Variants in TAF2 observed in about 807,000 individuals in gnomAD.
TAF2 encodes the protein transcription initiation factor TFIID subunit 2.
Under a neutral mutation model 138.5 loss-of-function variants are expected in TAF2, and 61 were observed. The ratio of observed to expected loss-of-function variants is 0.44; its 90% confidence interval spans 0.36 to 0.54. The LOEUF is 0.54. TAF2 is among the 20% of genes least tolerant of loss of function. The pLI, the probability that TAF2 is intolerant of heterozygous loss-of-function variation, is 0.00. For synonymous variants in TAF2, 475 were observed against 469.9 expected (o/e 1.01, Z -0.14); for missense variants, 1,090 against 1,427.9 (o/e 0.76, Z 3.81).
Position 119,797,673 on chromosome 8 carries a change from C to T in TAF2, c.966G>A (p.Met322Ile). ...GAAGAGATACCAACCTAAAAATGCT[C>T]ATGGAAGCATAAGCAGCCACTTCAA... ...AYVEVAAYASMSIFSTNLLHS... is the reference protein window; with the variant it reads ...AYVEVAAYASISIFSTNLLHS... Residue 322 changes from methionine to isoleucine, a missense_variant, in exon 7 of 26, where the codon ATG becomes ATA. Met to Ile is a conservative substitution (Grantham distance 10). Around this residue, in one of 3 missense-constraint regions of TAF2, gnomAD observed 504 missense variants for 680.9 expected, o/e 0.74. Transcript: ENST00000378164. 2 of 1,612,890 alleles carry T rather than the reference C, an allele frequency of 1.2e-6. No individual in the cohort carries two copies. Among genetic ancestry groups the T allele is most frequent in the Non-Finnish European group, 1.7e-6 (2 of 1,179,374 alleles).
At chr8:119,784,480 C>T (rs568078592) in intron 15 of TAF2, among the ~76,000 whole-genome samples, 13 of 152,186 alleles carry the variant, frequency 8.5e-5, no homozygotes, top group African/African-American at 3.1e-4. Context: ...GCCTGGGCAA[C>T]CAAGCAAGAC....
At chr8:119,797,550 C>T in intron 7 of TAF2, 112 bp downstream of exon 7, 1 of 1,122,554 alleles carries the variant, frequency 8.9e-7, no homozygotes, top group South Asian at 1.4e-5. Context: ...CCAATCACAT[C>T]CAAATTGCGG....
intron 18 of TAF2, among the ~76,000 whole-genome samples, chr8:119,772,487 A>C (rs1403301246): frequency 6.6e-6 from 1 of 152,176 alleles, no homozygotes; most frequent in Non-Finnish European, 1.5e-5. Flanking sequence ...TTGAAAAATT[A>C]CCTATTGGGT....
intron 9 of TAF2, among the ~76,000 whole-genome samples, chr8:119,793,886 A>ATT (rs1264042511): frequency 1.0e-5 from 1 of 96,816 alleles, no homozygotes; most frequent in East Asian, 2.9e-4. Context: ...AAAAAGGGGG[A>ATT]TTTTTTTTTT....
chr8:119,771,770 T>C (rs1188525381), intron 18 of TAF2, among the ~76,000 whole-genome samples: 1 of 151,992 alleles, frequency 6.6e-6, no homozygotes, highest in Non-Finnish European at 1.5e-5. Flanking sequence ...CTGAAAACAC[T>C]AGATAGGTCA....
chr8:119,744,872 A>G, intron 23 of TAF2: 1 of 456,218 alleles, frequency 2.2e-6, no homozygotes. Context: ...TTTAACCTGT[A>G]TTTCTTACTC....
chr8:119,771,957 T>C (rs1318143846), intron 18 of TAF2, among the ~76,000 whole-genome samples: 2 of 151,990 alleles, frequency 1.3e-5, no homozygotes, highest in African/African-American at 2.4e-5. Context: ...AAAATCTCAA[T>C]AAATTAAAAA....
intron 23 of TAF2, among the ~76,000 whole-genome samples, chr8:119,745,542 T>C (rs1819902167): frequency 6.6e-6 from 1 of 152,142 alleles, no homozygotes; most frequent in African/African-American, 2.4e-5. Flanking sequence ...CTAACTAGCA[T>C]AGAGAGAATC....
intron 18 of TAF2, chr8:119,766,868 T>A (rs985332122): frequency 3.9e-5 from 6 of 152,290 alleles, no homozygotes; most frequent in Admixed American, 6.5e-5. Context: ...TGATGGAAGA[T>A]ACATGATATA....
At chr8:119,748,096 C>T (rs1002364988) in intron 22 of TAF2, among the ~76,000 whole-genome samples, 3 of 151,558 alleles carry the variant, frequency 2.0e-5, no homozygotes, top group Non-Finnish European at 4.4e-5. Context: ...TGCACTCGAA[C>T]CTGGGCAACA....
At chr8:119,790,828 ACT>A (rs1044718425) in intron 11 of TAF2, among the ~76,000 whole-genome samples, 11 of 151,710 alleles carry the variant, frequency 7.3e-5, no homozygotes, top group African/African-American at 2.7e-4. Flanking sequence ...AGACAGTCTC[ACT>A]CTGTCACCCA....
At chr8:119,828,926 CCA>C (rs1473024211) in intron 2 of TAF2, among the ~76,000 whole-genome samples, 1 of 152,194 alleles carries the variant, frequency 6.6e-6, no homozygotes, top group Non-Finnish European at 1.5e-5. Flanking sequence ...TCCAAAACCT[CCA>C]CAGTCAATAT....
At chr8:119,830,424 C>T (rs1826372455) in intron 2 of TAF2, among the ~76,000 whole-genome samples, 1 of 152,096 alleles carries the variant, frequency 6.6e-6, no homozygotes, top group South Asian at 2.1e-4. Context: ...TAGGACTTCA[C>T]CATTTCTCCC....
chr8:119,832,447 C>T (rs767915131), intron 1 of TAF2, 35 bp downstream of exon 1: 3 of 1,605,872 alleles, frequency 1.9e-6, no homozygotes, highest in Non-Finnish European at 2.6e-6. Flanking sequence ...GGCAACAAAA[C>T]CAAAAGGAAG....
At chr8:119,804,161 A>T in intron 4 of TAF2, 142 bp from the exon 5 acceptor site, 1 of 961,558 alleles carries the variant, frequency 1.0e-6, no homozygotes, top group South Asian at 1.5e-5. Context: ...CCTAGTTTAG[A>T]CTTTTACCAT....
At chr8:119,779,009 G>A (rs1310640704) in intron 17 of TAF2, among the ~76,000 whole-genome samples, 1 of 152,060 alleles carries the variant, frequency 6.6e-6, no homozygotes, top group Non-Finnish European at 1.5e-5. Flanking sequence ...GATAACAAGA[G>A]CAACAACAGT....
chr8:119,798,978 G>A (rs1225737411), intron 6 of TAF2, among the ~76,000 whole-genome samples: 1 of 151,846 alleles, frequency 6.6e-6, no homozygotes, highest in Admixed American at 6.6e-5. Flanking sequence ...AATCCTACAA[G>A]ACAGCAAATT....
At chr8:119,832,265 A>C (rs1020531779) in intron 1 of TAF2, among the ~76,000 whole-genome samples, 2 of 152,234 alleles carry the variant, frequency 1.3e-5, no homozygotes, top group African/African-American at 4.8e-5. Flanking sequence ...TCTAGTACTT[A>C]GACAAAAACT....
At chr8:119,817,979 C>T (rs1223493400) in intron 3 of TAF2, among the ~76,000 whole-genome samples, 2 of 152,244 alleles carry the variant, frequency 1.3e-5, no homozygotes, top group Non-Finnish European at 2.9e-5. Flanking sequence ...ATTTCAACAA[C>T]TCACCTTTGT....
Sources: allele counts gnomAD v4.1 joint callset (sites outside exome capture counted in the v4.1 genomes callset), GRCh38; gene constraint gnomAD v4.1.1; regional missense constraint gnomAD v4.1.1; transcripts MANE v1.5; gene names NCBI Gene and HGNC (gene_info 2026-07-23, HGNC 2026-07-21).